The following ADAMTSL1 variants were observed in gnomAD, a reference collection of about 807,000 sequenced individuals.
ADAMTSL1 encodes ADAMTS-like protein 1.
In ADAMTSL1, 126 loss-of-function variants were observed where a neutral mutation model predicts 201.8. The ratio of observed to expected loss-of-function variants is 0.62; its 90% CI spans 0.54 to 0.72. The LOEUF is 0.72. Among genes scored for constraint, ADAMTSL1 ranks in the 30% least tolerant of loss-of-function variants. ADAMTSL1 has a pLI of 0.00. For missense variants in ADAMTSL1, 2,679 were observed against 2,277.8 expected (o/e 1.18, Z -3.59); for synonymous variants, 1,121 against 903.4 (o/e 1.24, Z -4.32).
At chr9:18,495,810 C>T (rs1822506380) in intron 1 of ADAMTSL1, among the ~76,000 whole-genome samples, 1 of 151,930 alleles carries the variant, frequency 6.6e-6, no homozygotes, top group African/African-American at 2.4e-5. Context: ...GAAGAAAGTC[C>T]CTGAAATTGA....
intron 9 of ADAMTSL1, among the ~76,000 whole-genome samples, chr9:18,665,035 A>G (rs537048937): frequency 4.0e-4 from 61 of 152,106 alleles, no homozygotes; most frequent in Non-Finnish European, 7.8e-4. Context: ...GTGTTGTACT[A>G]CCGAAGTAAA....
chr9:17,991,762 G>A (rs1422082208), intron 1 of ADAMTSL1, among the ~76,000 whole-genome samples: 1 of 152,146 alleles, frequency 6.6e-6, no homozygotes, highest in Non-Finnish European at 1.5e-5. Flanking sequence ...CGGTTAGACT[G>A]TACACGTGCA....
chr9:18,632,949 C>G (rs1826870464), intron 5 of ADAMTSL1, among the ~76,000 whole-genome samples: 1 of 152,166 alleles, frequency 6.6e-6, no homozygotes, highest in Non-Finnish European at 1.5e-5. Context: ...GGTTCTTCTC[C>G]TCTCTTTTTT....
At chr9:18,726,920 C>G (rs1564186205) in intron 15 of ADAMTSL1, among the ~76,000 whole-genome samples, 1 of 152,210 alleles carries the variant, frequency 6.6e-6, no homozygotes, top group Non-Finnish European at 1.5e-5. Context: ...AGTCTCTTTT[C>G]TCAGACCTAG....
At chr9:18,551,490 C>T (rs1452146448) in intron 3 of ADAMTSL1, among the ~76,000 whole-genome samples, 1 of 149,326 alleles carries the variant, frequency 6.7e-6, no homozygotes, top group African/African-American at 2.5e-5. Flanking sequence ...GTAAATCTTG[C>T]TTGTAAAATT....
chr9:18,205,487 A>AC (rs1487400700), intron 2 of ADAMTSL1, among the ~76,000 whole-genome samples: 7 of 152,044 alleles, frequency 4.6e-5, no homozygotes, highest in Non-Finnish European at 1.0e-4. Flanking sequence ...GGAAAAAAAA[A>AC]CGAAAAGTTT....
intron 2 of ADAMTSL1, among the ~76,000 whole-genome samples, chr9:18,285,373 G>T (rs956377067): frequency 2.0e-5 from 3 of 151,848 alleles, no homozygotes; most frequent in African/African-American, 7.3e-5. Flanking sequence ...TGAGAGTGAG[G>T]GTCAATATGA....
chr9:18,502,302 T>A (rs1379398560), intron 1 of ADAMTSL1, among the ~76,000 whole-genome samples: 2 of 152,228 alleles, frequency 1.3e-5, no homozygotes. Context: ...TGAATTTGAG[T>A]AAAATGAGAG....
At chr9:18,400,393 G>A (rs746120724) in intron 2 of ADAMTSL1, among the ~76,000 whole-genome samples, 10 of 151,952 alleles carry the variant, frequency 6.6e-5, no homozygotes, top group South Asian at 4.2e-4. Context: ...TTTTAACTTC[G>A]GTACTCAGTA....
At chr9:18,216,160 A>T (rs1296060737) in intron 2 of ADAMTSL1, among the ~76,000 whole-genome samples, 1 of 152,190 alleles carries the variant, frequency 6.6e-6, no homozygotes, top group Non-Finnish European at 1.5e-5. Flanking sequence ...AATAATAACA[A>T]TAATAAAATT....
chr9:18,156,793 GGT>G (rs1166061352), intron 1 of ADAMTSL1, among the ~76,000 whole-genome samples: 1 of 152,000 alleles, frequency 6.6e-6, no homozygotes, highest in Non-Finnish European at 1.5e-5. Context: ...TCTAAGTGTA[GGT>G]ATGAATCATA....
chr9:18,619,915 T>C lies in ADAMTSL1; in HGVS notation c.475-2328T>C, dbSNP rs185179228. Among the ~76,000 whole-genome samples the C allele has an allele frequency of 5.9e-5, 9 of 152,050 alleles. No individual in the cohort carries two copies. In the East Asian group the frequency reaches 1.2e-3, roughly 20 times the overall value. On this transcript the variant is annotated intron_variant, in intron 4 of 28. Transcript: ENST00000380548. ...TCTTCAATCCCAAAAACCACAACAA[T>C]AGTAGAGTCAATAATGCTTTGAATG...
intron 1 of ADAMTSL1, among the ~76,000 whole-genome samples, chr9:18,477,187 C>T (rs757248045): frequency 9.2e-5 from 14 of 152,068 alleles, no homozygotes; most frequent in Non-Finnish European, 1.3e-4. Context: ...AAACCATGAC[C>T]GGCCATTGAC....
chr9:18,422,869 A>T (rs1273801607), intron 2 of ADAMTSL1, among the ~76,000 whole-genome samples: 1 of 152,156 alleles, frequency 6.6e-6, no homozygotes, highest in African/African-American at 2.4e-5. Context: ...AGACTTTATC[A>T]CTTGAGGGCA....
At chr9:18,489,366 T>G (rs1280924018) in intron 1 of ADAMTSL1, among the ~76,000 whole-genome samples, 2 of 152,134 alleles carry the variant, frequency 1.3e-5, no homozygotes, top group African/African-American at 2.4e-5. Flanking sequence ...AATTGTTAAG[T>G]CTATATGTGA....
chr9:18,543,192 G>C (rs947422747), intron 3 of ADAMTSL1, among the ~76,000 whole-genome samples: 1 of 152,182 alleles, frequency 6.6e-6, no homozygotes, highest in African/African-American at 2.4e-5. Context: ...AAGCCAAGAT[G>C]AATGTAGGAT....
intron 20 of ADAMTSL1, among the ~76,000 whole-genome samples, chr9:18,810,133 C>T (rs375524376): frequency 1.3e-5 from 2 of 152,098 alleles, no homozygotes; most frequent in Admixed American, 1.3e-4. Context: ...CTGCTTCCTC[C>T]CATTGTGGCC....
chr9:18,413,141 G>C (rs1267543447), intron 2 of ADAMTSL1, among the ~76,000 whole-genome samples: 3 of 108,326 alleles, frequency 2.8e-5, no homozygotes, highest in African/African-American at 6.6e-5. Flanking sequence ...AGTTCTCTAA[G>C]GATAATTTTT....
At chr9:18,764,634 G>T (rs1055296814) in intron 16 of ADAMTSL1, among the ~76,000 whole-genome samples, 1 of 152,206 alleles carries the variant, frequency 6.6e-6, no homozygotes, top group Non-Finnish European at 1.5e-5. Context: ...AGCAGAGAAG[G>T]TGTCTGTGTG....
Sources: allele counts gnomAD v4.1 joint callset (sites outside exome capture counted in the v4.1 genomes callset), GRCh38; gene constraint gnomAD v4.1.1; transcripts MANE v1.5; gene names NCBI Gene and HGNC (gene_info 2026-07-23, HGNC 2026-07-21).